JMJD1C: variants seen among roughly 807,000 people sequenced by gnomAD.
JMJD1C encodes the protein jumonji domain containing 1C.
Under a neutral mutation model 245.3 loss-of-function variants are expected in JMJD1C, and 31 were observed. That is an observed-to-expected ratio of 0.13 (90% CI 0.09 to 0.17). The LOEUF (loss-of-function observed/expected upper bound fraction) is 0.17, where lower values mean the gene tolerates loss of function less well. Ranked by LOEUF, JMJD1C falls within the 10% of genes least tolerant of loss-of-function variation. The pLI is 1.00. For synonymous variants in JMJD1C, 1,057 were observed against 1,017.4 expected (o/e 1.04, Z -0.74); for missense variants, 2,691 against 3,000.2 (o/e 0.90, Z 2.41).
chr10:63,405,185 A>G (rs1949093151), intron 1 of JMJD1C, among the ~76,000 whole-genome samples: 1 of 152,208 alleles, frequency 6.6e-6, no homozygotes, highest in Admixed American at 6.5e-5. Flanking sequence ...TAAATCCTAT[A>G]AAGTAGGTAT....
chr10:63,311,472 A>G (rs2134050090), intron 2 of JMJD1C, among the ~76,000 whole-genome samples: 1 of 152,316 alleles, frequency 6.6e-6, no homozygotes, highest in South Asian at 2.1e-4. Context: ...GGAGAAAAGT[A>G]AAAAACAATT....
intron 2 of JMJD1C, among the ~76,000 whole-genome samples, chr10:63,344,511 G>A (rs2134246429): frequency 6.6e-6 from 1 of 152,066 alleles, no homozygotes; most frequent in South Asian, 2.1e-4. Context: ...AAAGAGAACT[G>A]AAAAAAACCT....
chr10:63,188,954 G>A (rs188529181), intron 18 of JMJD1C, among the ~76,000 whole-genome samples: 3 of 152,160 alleles, frequency 2.0e-5, no homozygotes, highest in African/African-American at 4.8e-5. Flanking sequence ...AATAATCAAC[G>A]TTTCCCTATT....
intron 1 of JMJD1C, among the ~76,000 whole-genome samples, chr10:63,447,001 T>C (rs1424838608): frequency 2.6e-5 from 4 of 152,120 alleles, no homozygotes; most frequent in Non-Finnish European, 4.4e-5. Flanking sequence ...TGTTATTATA[T>C]TTATGTTTCA....
chr10:63,325,144 C>A (rs1480785065), intron 2 of JMJD1C, among the ~76,000 whole-genome samples: 1 of 152,126 alleles, frequency 6.6e-6, no homozygotes. Flanking sequence ...AACCAGAATG[C>A]AAATTTATTA....
intron 3 of JMJD1C, among the ~76,000 whole-genome samples, chr10:63,240,179 G>T (rs1851304204): frequency 6.6e-6 from 1 of 152,082 alleles, no homozygotes; most frequent in Non-Finnish European, 1.5e-5. Flanking sequence ...TTTGGATTCA[G>T]AAGACAGGGT....
intron 2 of JMJD1C, among the ~76,000 whole-genome samples, chr10:63,348,883 C>T (rs1052973905): frequency 2.6e-5 from 4 of 151,942 alleles, no homozygotes; most frequent in Non-Finnish European, 1.5e-5. Context: ...GGTGGATCAC[C>T]TCAGGTCAGG....
At chr10:63,339,243 CTT>C (rs1418460396) in intron 2 of JMJD1C, among the ~76,000 whole-genome samples, 2 of 152,110 alleles carry the variant, frequency 1.3e-5, no homozygotes, top group African/African-American at 4.8e-5. Flanking sequence ...ATACAGACAT[CTT>C]AGGAAACAGT....
intron 1 of JMJD1C, among the ~76,000 whole-genome samples, chr10:63,443,994 T>C (rs919262177): frequency 6.6e-6 from 1 of 152,214 alleles, no homozygotes; most frequent in African/African-American, 2.4e-5. Context: ...CTCTCTCCAC[T>C]AGAAGTAGAA....
At chr10:63,360,223 TC>T (rs1327303117) in intron 2 of JMJD1C, among the ~76,000 whole-genome samples, 1 of 151,878 alleles carries the variant, frequency 6.6e-6, no homozygotes, top group Non-Finnish European at 1.5e-5. Context: ...CACCTCAGCC[TC>T]CCCAGTAGCC....
At chr10:63,234,038 TA>T (rs1850345104) in intron 3 of JMJD1C, among the ~76,000 whole-genome samples, 1 of 152,204 alleles carries the variant, frequency 6.6e-6, no homozygotes, top group African/African-American at 2.4e-5. Flanking sequence ...TTAAATATGA[TA>T]AGCATACTCC....
chr10:63,394,964 G>A (rs1041630283), intron 1 of JMJD1C, among the ~76,000 whole-genome samples: 4 of 151,772 alleles, frequency 2.6e-5, no homozygotes, highest in Admixed American at 2.0e-4. Flanking sequence ...TACAAATCAC[G>A]TATTTCACAA....
At chr10:63,227,262 T>A (rs773645538) in intron 3 of JMJD1C, among the ~76,000 whole-genome samples, 1 of 152,084 alleles carries the variant, frequency 6.6e-6, no homozygotes, top group South Asian at 2.1e-4. Flanking sequence ...ATTATGAAAA[T>A]GTTAAAAATA....
intron 3 of JMJD1C, chr10:63,222,729 A>C (rs2133305399): frequency 6.5e-7 from 1 of 1,536,972 alleles, no homozygotes; most frequent in East Asian, 2.2e-5. Flanking sequence ...TTGGATCTTT[A>C]TATAGGATTT....
At chr10:63,235,589 A>G (rs1233664014) in intron 3 of JMJD1C, among the ~76,000 whole-genome samples, 1 of 152,226 alleles carries the variant, frequency 6.6e-6, no homozygotes, top group African/African-American at 2.4e-5. Context: ...TATCTATTTA[A>G]CAGTTAAGCA....
At chr10:63,350,716 A>T (rs1384727005) in intron 2 of JMJD1C, among the ~76,000 whole-genome samples, 1 of 149,174 alleles carries the variant, frequency 6.7e-6, no homozygotes, top group Non-Finnish European at 1.5e-5. Context: ...TCCCGGTTTC[A>T]TGCCATTCTC....
chr10:63,456,083 C>A (rs1159589669), intron 1 of JMJD1C, among the ~76,000 whole-genome samples: 2 of 152,034 alleles, frequency 1.3e-5, no homozygotes, highest in African/African-American at 4.8e-5. Flanking sequence ...AGGTGAAATA[C>A]ATATAGTCTA....
At position 63,298,007 on chromosome 10, in the gene JMJD1C, G is replaced by A. The variant is rs192080937; in HGVS notation, c.334-33243C>T. 1.1e-3 allele frequency among the ~76,000 whole-genome samples: 165 copies of A among 152,306 alleles called. 3 individuals carry two copies. In the East Asian group the frequency reaches 0.026, roughly 24 times the overall value. On this transcript the variant is annotated intron_variant, in intron 2 of 25. Coordinates refer to ENST00000399262, the MANE Select transcript of JMJD1C (RefSeq NM_032776.3). ...TACCACATTCCCTCCATCCACACGC[G>A]GGTGCTGCAGCGACAGCTGCTTACG...
intron 3 of JMJD1C, among the ~76,000 whole-genome samples, chr10:63,264,004 AC>A (rs1164253567): frequency 4.3e-4 from 63 of 147,146 alleles, no homozygotes; most frequent in South Asian, 1.1e-3. Context: ...ACACACACAC[AC>A]ACAATTCTGT....
Sources: allele counts gnomAD v4.1 joint callset (sites outside exome capture counted in the v4.1 genomes callset), GRCh38; gene constraint gnomAD v4.1.1; transcripts MANE v1.5; gene names NCBI Gene and HGNC (gene_info 2026-07-23, HGNC 2026-07-21).